Variants in COBL observed in about 807,000 individuals in gnomAD.
The protein encoded by COBL is cordon-bleu WH2 repeat protein.
In COBL, 51 loss-of-function variants were observed where a neutral mutation model predicts 98.8. The ratio of observed to expected loss-of-function variants is 0.52; its 90% confidence interval spans 0.41 to 0.65. The LOEUF is 0.65. COBL is among the 30% of genes least tolerant of loss of function. COBL has a pLI of 0.00. For synonymous variants in COBL, 634 were observed against 651.7 expected, an observed-to-expected ratio of 0.97 and a Z score of 0.41; for missense variants, 1,617 against 1,617.5, an observed-to-expected ratio of 1.00 and a Z score of 0.01.
At chr7:51,229,256 A>G (rs1277503378) in intron 1 of COBL, among the ~76,000 whole-genome samples, 1 of 152,220 alleles carries the variant, frequency 6.6e-6, no homozygotes, top group Non-Finnish European at 1.5e-5. Context: ...CACCCGATGC[A>G]GCTTTTCCCC....
At chr7:51,055,225 T>G (rs1265528604) in intron 7 of COBL, among the ~76,000 whole-genome samples, 1 of 152,192 alleles carries the variant, frequency 6.6e-6, no homozygotes, top group East Asian at 1.9e-4. Context: ...CCAGCGCGCA[T>G]CCTTCCTGGA....
chr7:51,114,943 T>A (rs1276516974), intron 6 of COBL, among the ~76,000 whole-genome samples: 2 of 152,254 alleles, frequency 1.3e-5, no homozygotes, highest in Non-Finnish European at 2.9e-5. Context: ...GATGAATGCA[T>A]ACACTAATGA....
intron 7 of COBL, among the ~76,000 whole-genome samples, chr7:51,075,548 T>C (rs1005994772): frequency 2.0e-5 from 3 of 152,220 alleles, no homozygotes; most frequent in Non-Finnish European, 4.4e-5. Flanking sequence ...ATATTATTTA[T>C]TTAATTGTAT....
intron 7 of COBL, among the ~76,000 whole-genome samples, 178 bp from the exon 8 acceptor site, chr7:51,043,870 G>A (rs1479924467): frequency 2.0e-5 from 3 of 152,106 alleles, no homozygotes; most frequent in Non-Finnish European, 4.4e-5. Context: ...TAACTCACAG[G>A]GAGTCATTTG....
intron 1 of COBL, among the ~76,000 whole-genome samples, chr7:51,232,025 T>C (rs1344957485): frequency 6.6e-6 from 1 of 152,146 alleles, no homozygotes; most frequent in Non-Finnish European, 1.5e-5. Context: ...GGATGTGGGA[T>C]TGACGCTGTC....
At chr7:51,114,205 G>C (rs1045514841) in intron 6 of COBL, among the ~76,000 whole-genome samples, 3 of 152,154 alleles carry the variant, frequency 2.0e-5, no homozygotes, top group South Asian at 2.1e-4. Flanking sequence ...CAGTCAGGAG[G>C]GGGTGACTCC....
In COBL at chr7:51,085,206, G is replaced by A. The variant is rs551269305; in HGVS notation, c.1056C>T (p.Asn352=). Residue 352 remains asparagine (N), a synonymous_variant, in exon 7 of 13, where the codon AAC becomes AAT. Coordinates refer to ENST00000265136, the MANE Select transcript of COBL (RefSeq NM_015198.5). ...QPPPPSPLIP[N]RTEDKEENRK... ...TGTTCTCCTCCTTATCCTCAGTGCG[G>A]TTGGGGATCAGGGGACTCGGTGGTG... is the stretch of plus-strand genomic sequence containing the variant. 1 of 1,614,036 alleles carries A rather than the reference G, an allele frequency of 6.2e-7. No homozygotes were observed. Among genetic ancestry groups the A allele is most frequent in the Non-Finnish European group, 8.5e-7 (1 of 1,180,030 alleles).
intron 7 of COBL, among the ~76,000 whole-genome samples, chr7:51,078,162 T>C (rs1031073210): frequency 6.6e-6 from 1 of 152,242 alleles, no homozygotes; most frequent in Non-Finnish European, 1.5e-5. Context: ...CTGGCTCATC[T>C]AAGGTCATTC....
chr7:51,303,922 C>T (rs1361986795), intron 1 of COBL, among the ~76,000 whole-genome samples: 2 of 152,190 alleles, frequency 1.3e-5, no homozygotes, highest in Non-Finnish European at 2.9e-5. Flanking sequence ...AGGCTGCTGA[C>T]TGCATGCACA....
chr7:51,046,186 AG>A (rs1789672416), intron 7 of COBL, among the ~76,000 whole-genome samples: 1 of 152,158 alleles, frequency 6.6e-6, no homozygotes, highest in African/African-American at 2.4e-5. Flanking sequence ...CTTCTGCCAA[AG>A]GGGTGGGACC....
intron 2 of COBL, among the ~76,000 whole-genome samples, chr7:51,204,026 C>CA (rs1485652414): frequency 2.6e-5 from 4 of 152,166 alleles, no homozygotes; most frequent in Non-Finnish European, 5.9e-5. Context: ...TTATACTCCA[C>CA]AACTAAGTAG....
At position 51,267,720 on chromosome 7, in the gene COBL, C is replaced by T. The variant is rs1382374516; in HGVS notation, c.42-47776G>A. Among the ~76,000 whole-genome samples the T allele has an allele frequency of 1.3e-5, 2 of 151,938 alleles. 1 individual carries two copies. The highest frequency in any genetic ancestry group is 2.9e-5 in the Non-Finnish European group (2 of 68,000). On this transcript the variant is annotated intron_variant, in intron 1 of 12. Coordinates refer to ENST00000265136, the MANE Select transcript of COBL (RefSeq NM_015198.5). The stretch of plus-strand genomic sequence containing the variant: ...CTCCAAGAAGCTGGGATTACAGGCA[C>T]CTGCCACCATGCCCAGCTAAGTTTT...
At chr7:51,141,418 G>C (rs1208555254) in intron 5 of COBL, among the ~76,000 whole-genome samples, 2 of 152,164 alleles carry the variant, frequency 1.3e-5, no homozygotes, top group African/African-American at 4.8e-5. Context: ...TTGATGGTGA[G>C]AAAAACTGAG....
intron 6 of COBL, among the ~76,000 whole-genome samples, chr7:51,124,017 T>C (rs11238432): frequency 0.44 from 66,315 of 152,014 alleles, 14,798 homozygotes; most frequent in Middle Eastern, 0.67. Context: ...GGGACCTCAC[T>C]TTCCCTTTGT....
At chr7:51,122,244 C>A (rs557492045) in intron 6 of COBL, among the ~76,000 whole-genome samples, 1 of 152,338 alleles carries the variant, frequency 6.6e-6, no homozygotes, top group Non-Finnish European at 1.5e-5. Flanking sequence ...AAAATAGCTC[C>A]AGCTTCCTTT....
At chr7:51,179,221 T>C (rs1034837479) in intron 5 of COBL, among the ~76,000 whole-genome samples, 1 of 152,176 alleles carries the variant, frequency 6.6e-6, no homozygotes, top group Non-Finnish European at 1.5e-5. Flanking sequence ...TGTTTAACTT[T>C]CTTTTTTGTT....
chr7:51,017,642 G>T, intron 12 of COBL, 74 bp from the exon 13 acceptor site: 3 of 1,496,230 alleles, frequency 2.0e-6, no homozygotes, highest in African/African-American at 1.4e-5. Flanking sequence ...GTGCTAGAGA[G>T]CTCTGTGCAC....
chr7:51,209,059 A>AC lies in COBL; in HGVS notation c.245+10681_245+10682insG, dbSNP rs1187032932. On this transcript the variant is annotated intron_variant, in intron 2 of 12. Coordinates refer to ENST00000265136, the MANE Select transcript of COBL (RefSeq NM_015198.5). ...AGAATGATCAATTAAAAAAAAAAAA[A>AC]AAAAAAAAAAAAACATTTGCAAAGC... Among the ~76,000 whole-genome samples, 142 of 124,912 alleles carry AC rather than the reference A, an allele frequency of 1.1e-3. 1 individual carries two copies. The highest frequency in any genetic ancestry group is 2.7e-3 in the East Asian group (10 of 3,690). The allele number at this position is 124,912 out of a possible 152,430, so 81.9% of individuals were successfully genotyped here. A position where few individuals can be genotyped will look rare whatever the true frequency, so the allele number is the denominator to read the frequency against.
intron 5 of COBL, among the ~76,000 whole-genome samples, chr7:51,148,451 G>A (rs1009496820): frequency 3.3e-5 from 5 of 152,104 alleles, no homozygotes; most frequent in Admixed American, 6.5e-5. Flanking sequence ...ACCCCTCAGC[G>A]GCCCACTGGG....
Sources: gnomAD v4.1 joint callset for allele counts (sites outside exome capture counted in the v4.1 genomes callset) on GRCh38, gnomAD v4.1.1 for gene constraint, MANE v1.5 for transcripts, NCBI Gene and HGNC (gene_info 2026-07-23, HGNC 2026-07-21) for gene names.